The following PCSK5 variants were observed in gnomAD, a reference collection of about 807,000 sequenced individuals.
The protein encoded by PCSK5 is proprotein convertase subtilisin/kexin type 5, also known as prohormone convertase 5.
Under a neutral mutation model 233.2 loss-of-function variants are expected in PCSK5, and 129 were observed. The ratio of observed to expected loss-of-function variants is 0.55; its 90% CI spans 0.48 to 0.64. The LOEUF (loss-of-function observed/expected upper bound fraction) is 0.64, where lower values mean the gene tolerates loss of function less well. Ranked by LOEUF, PCSK5 falls within the 30% of genes least tolerant of loss-of-function variation. PCSK5 has a pLI of 0.00. For synonymous variants in PCSK5, 825 were observed against 879.2 expected, an observed-to-expected ratio of 0.94 and a Z score of 1.09; for missense variants, 2,076 against 2,430.1, an observed-to-expected ratio of 0.85 and a Z score of 3.06.
chr9:75,972,872 T>C (rs1365945183), intron 2 of PCSK5, among the ~76,000 whole-genome samples: 2 of 152,204 alleles, frequency 1.3e-5, no homozygotes, highest in Non-Finnish European at 2.9e-5. Flanking sequence ...CTCCAGGCTT[T>C]GAAATGTTGT....
At chr9:76,041,936 G>GT (rs1487029507) in intron 5 of PCSK5, among the ~76,000 whole-genome samples, 2 of 151,564 alleles carry the variant, frequency 1.3e-5, no homozygotes, top group Non-Finnish European at 2.9e-5. Flanking sequence ...TTTAACTAAT[G>GT]TTTTTTACAG....
chr9:76,085,378 C>A (rs1249157685), intron 7 of PCSK5, among the ~76,000 whole-genome samples: 2 of 152,214 alleles, frequency 1.3e-5, no homozygotes. Context: ...CTAGCTATTT[C>A]ACCGGAAACA....
chr9:75,891,216 G>A lies in PCSK5; in HGVS notation c.35G>A (p.Arg12His), dbSNP rs776823991. The A allele has an allele frequency of 4.0e-6, 6 of 1,504,028 alleles. No homozygotes were observed. In the Admixed American group the frequency reaches 1.4e-4, roughly 34 times the overall value. The allele number at this position is 1,504,028 out of a possible 1,614,324, so 93.2% of individuals were successfully genotyped here. ...GGGAGCCGCTGCTGCTGCCCGGGAC[G>A]TTTGGACCTGCTGTGCGTGCTGGCG... The part of the protein sequence containing the change: ...GWGSRCCCPG[R>H]LDLLCVLALL... The change falls in exon 1 of 38, where the codon CGT (arginine) becomes CAT (histidine). Residue 12 changes from arginine to histidine, a missense_variant. Arg to His is a conservative substitution (Grantham distance 29). Coordinates refer to ENST00000674117, the MANE Select transcript of PCSK5 (RefSeq NM_001372043.1).
At chr9:75,988,471 A>G (rs1372434970) in intron 3 of PCSK5, among the ~76,000 whole-genome samples, 3 of 151,858 alleles carry the variant, frequency 2.0e-5, no homozygotes, top group Admixed American at 6.6e-5. Flanking sequence ...TTGTAGAAGA[A>G]GGGTTTCACC....
chr9:76,253,267 C>A (rs1342307240), intron 24 of PCSK5, among the ~76,000 whole-genome samples: 1 of 151,054 alleles, frequency 6.6e-6, no homozygotes, highest in Non-Finnish European at 1.5e-5. Context: ...TTTTTAAGGC[C>A]AAACTCAGAG....
Position 75,986,204 on chromosome 9 carries a change from A to G in PCSK5, c.370A>G (p.Thr124Ala). 1.2e-6 allele frequency: 2 copies of G among 1,613,656 alleles called. No individual in the cohort carries two copies. Among genetic ancestry groups the G allele is most frequent in the Non-Finnish European group, 1.7e-6 (2 of 1,179,546 alleles). Residue 124 changes from threonine to alanine, a missense_variant, in exon 3 of 38, where the codon ACC (threonine) becomes GCC (alanine). This residue lies in a region of PCSK5 where 190 missense variants were observed against 216.3 expected (regional missense o/e 0.88). Transcript: ENST00000674117. The stretch of plus-strand genomic sequence containing the variant: ...TTATGACTTCAGTCGTGCCCAGTCT[A>G]CCTATTTCAATGATCCCAAGTGGCC... ...RDYDFSRAQSTYFNDPKWPSM... is the reference protein window; with the variant it reads ...RDYDFSRAQSAYFNDPKWPSM...
intron 8 of PCSK5, 56 bp from the exon 9 acceptor site, chr9:76,107,195 C>T: frequency 3.9e-6 from 4 of 1,027,046 alleles, no homozygotes; most frequent in Non-Finnish European, 6.0e-6. Context: ...TTTCTTTCTA[C>T]TTGCAGGTGA....
chr9:76,109,708 T>C (rs1441017645), intron 9 of PCSK5, among the ~76,000 whole-genome samples: 1 of 152,134 alleles, frequency 6.6e-6, no homozygotes, highest in African/African-American at 2.4e-5. Flanking sequence ...ACTCTAATTG[T>C]GGGGCCAAAA....
At chr9:76,265,438 A>G (rs1827305633) in intron 24 of PCSK5, among the ~76,000 whole-genome samples, 1 of 152,196 alleles carries the variant, frequency 6.6e-6, no homozygotes, top group Admixed American at 6.6e-5. Flanking sequence ...TTTTAAAAAC[A>G]TCAATATCAT....
chr9:76,058,664 C>T (rs891920868), intron 5 of PCSK5, among the ~76,000 whole-genome samples: 1 of 152,084 alleles, frequency 6.6e-6, no homozygotes, highest in African/African-American at 2.4e-5. Flanking sequence ...GAAAATTCAT[C>T]AGCTACATGG....
intron 2 of PCSK5, among the ~76,000 whole-genome samples, chr9:75,951,531 T>C (rs4745477): frequency 0.022 from 3,347 of 152,306 alleles, 58 homozygotes; most frequent in Non-Finnish European, 0.031. Context: ...CTGAATAATA[T>C]GTTAGATGCT....
At chr9:75,903,168 A>G (rs1826114506) in intron 1 of PCSK5, among the ~76,000 whole-genome samples, 1 of 152,182 alleles carries the variant, frequency 6.6e-6, no homozygotes, top group African/African-American at 2.4e-5. Flanking sequence ...CATGCCTTTC[A>G]TGTATTCTTA....
At chr9:76,160,813 C>T (rs1488144856) in intron 12 of PCSK5, among the ~76,000 whole-genome samples, 16 of 151,784 alleles carry the variant, frequency 1.1e-4, no homozygotes, top group Admixed American at 1.1e-3. Context: ...CTCTGTTGCC[C>T]AGGCTGGAGT....
At chr9:76,337,852 A>AG (rs1291029377) in intron 34 of PCSK5, among the ~76,000 whole-genome samples, 4 of 151,962 alleles carry the variant, frequency 2.6e-5, no homozygotes, top group African/African-American at 7.3e-5. Flanking sequence ...AAAAAAAAAA[A>AG]AGATCCTTCC....
intron 10 of PCSK5, 53 bp downstream of exon 10, chr9:76,134,265 C>A: frequency 8.8e-7 from 1 of 1,141,392 alleles, no homozygotes; most frequent in Non-Finnish European, 1.3e-6. Context: ...ATTTTTCCCC[C>A]ATTTTAAATG....
At chr9:76,247,929 C>A (rs1472740454) in intron 24 of PCSK5, among the ~76,000 whole-genome samples, 1 of 151,972 alleles carries the variant, frequency 6.6e-6, no homozygotes, top group African/African-American at 2.4e-5. Context: ...GGATTACAGG[C>A]ACCTGCCACC....
At position 75,891,175 on chromosome 9, in the gene PCSK5, C is replaced by T. The variant is rs748724861; in HGVS notation, c.-7C>T. 4.8e-6 allele frequency: 7 copies of T among 1,462,118 alleles called. No homozygotes were observed. The highest frequency in any genetic ancestry group is 6.3e-6 in the Non-Finnish European group (7 of 1,115,352). 90.6% of individuals were successfully genotyped at this position (1,462,118 alleles called of 1,614,324 possible). A position where few individuals can be genotyped will look rare whatever the true frequency, so the allele number is the denominator to read the frequency against. On this transcript the variant is annotated 5_prime_UTR_variant, in exon 1 of 38. Transcript: ENST00000674117. ...AGCGAGCGAGGGAGCAGCGAGGCGC[C>T]GGGACCATGGGCTGGGGGAGCCGCT...
At chr9:76,080,699 G>A (rs1223966338) in intron 7 of PCSK5, among the ~76,000 whole-genome samples, 1 of 152,120 alleles carries the variant, frequency 6.6e-6, no homozygotes, top group African/African-American at 2.4e-5. Flanking sequence ...CTGAGGATCA[G>A]TTTGTTTCTA....
intron 8 of PCSK5, among the ~76,000 whole-genome samples, chr9:76,096,571 A>G (rs993660797): frequency 2.0e-5 from 3 of 151,748 alleles, no homozygotes; most frequent in Admixed American, 1.3e-4. Flanking sequence ...CTTATTTAAC[A>G]TGAACTAAAC....
Sources: allele counts gnomAD v4.1 joint callset (sites outside exome capture counted in the v4.1 genomes callset), GRCh38; gene constraint gnomAD v4.1.1; regional missense constraint gnomAD v4.1.1; transcripts MANE v1.5; gene names NCBI Gene and HGNC (gene_info 2026-07-23, HGNC 2026-07-21).